The following MED13L variants were observed in gnomAD, a reference collection of about 807,000 sequenced individuals.
The protein encoded by MED13L is mediator complex subunit 13L, also known as mediator of RNA polymerase II transcription subunit 13-like.
A neutral mutation model predicts 220.9 loss-of-function variants in MED13L; 7 were observed. The ratio of observed to expected loss-of-function variants is 0.03; its 90% CI spans 0.02 to 0.06. The LOEUF is 0.06. MED13L is among the 10% of genes least tolerant of loss of function. The pLI is 1.00. For missense variants in MED13L, 1,965 were observed against 2,760.5 expected (o/e 0.71, Z 6.46); for synonymous variants, 1,011 against 1,015.2 (o/e 1.00, Z 0.08).
Position 115,984,352 on chromosome 12 carries a change from G to A in MED13L, c.4359C>T (p.His1453=). The change falls in exon 20 of 31, where the codon CAC becomes CAT. Residue 1453 remains histidine, a synonymous_variant. Coordinates refer to ENST00000281928, the MANE Select transcript of MED13L (RefSeq NM_015335.5). The part of the protein sequence containing the change: ...AVYEMCRLGQ[H]KPICKVLRDG... ...CACGTAGCACTTTGCAGATGGGCTT[G>A]TGCTGCCCAAGCCTACACATCTGAT... The A allele has an allele frequency of 6.2e-7, 1 of 1,614,034 alleles. No homozygotes were observed.
intron 2 of MED13L, among the ~76,000 whole-genome samples, chr12:116,151,416 G>A (rs1292919339): frequency 2.0e-5 from 3 of 152,116 alleles, no homozygotes; most frequent in Non-Finnish European, 2.9e-5. Context: ...AAGGTATCAC[G>A]AAGAAACTCC....
chr12:116,136,521 C>T (rs1305492245), intron 2 of MED13L, among the ~76,000 whole-genome samples: 6 of 152,032 alleles, frequency 3.9e-5, no homozygotes, highest in Non-Finnish European at 2.9e-5. Flanking sequence ...GTAAGTTATG[C>T]TAAAGTTTTA....
chr12:116,250,929 A>T (rs1481340587), intron 1 of MED13L, among the ~76,000 whole-genome samples: 1 of 152,078 alleles, frequency 6.6e-6, no homozygotes, highest in African/African-American at 2.4e-5. Context: ...CACAAAGGCC[A>T]GAAGGAGAAA....
chr12:116,228,679 G>A (rs1869247943), intron 2 of MED13L, among the ~76,000 whole-genome samples: 1 of 152,122 alleles, frequency 6.6e-6, no homozygotes, highest in Non-Finnish European at 1.5e-5. Flanking sequence ...CGTCAGCAAT[G>A]AATTTGCTTA....
chr12:115,969,511 A>G lies in MED13L; in HGVS notation c.6068-414T>C, dbSNP rs145114550. ...CCAGAGGCTGAATGAATGCATGTTAATGAGTGTGAACTTGCCCTGAAAATG... is the reference window on the plus strand; with the variant it reads ...CCAGAGGCTGAATGAATGCATGTTAGTGAGTGTGAACTTGCCCTGAAAATG... On this transcript the variant is annotated intron_variant, in intron 27 of 30. Coordinates refer to ENST00000281928, the MANE Select transcript of MED13L (RefSeq NM_015335.5). Among the ~76,000 whole-genome samples the G allele has an allele frequency of 3.4e-3, 520 of 152,290 alleles. 6 individuals carry two copies. The highest frequency in any genetic ancestry group is 0.02 in the Middle Eastern group (6 of 294).
chr12:115,985,549 T>G (rs1877626181), intron 19 of MED13L, among the ~76,000 whole-genome samples: 1 of 152,262 alleles, frequency 6.6e-6, no homozygotes, highest in Admixed American at 6.5e-5. Context: ...TAATTTCATT[T>G]TGCTGAATAC....
intron 3 of MED13L, among the ~76,000 whole-genome samples, chr12:116,108,548 G>A (rs886167497): frequency 6.6e-6 from 1 of 152,100 alleles, no homozygotes; most frequent in Non-Finnish European, 1.5e-5. Flanking sequence ...CCTATCTCAT[G>A]AGCAGGGTAA....
intron 2 of MED13L, among the ~76,000 whole-genome samples, chr12:116,213,703 G>A (rs1009599733): frequency 2.2e-4 from 34 of 152,134 alleles, no homozygotes; most frequent in African/African-American, 7.5e-4. Flanking sequence ...GTGAGCCACC[G>A]CATCCAGCAA....
At chr12:116,001,702 T>G (rs1878754676) in intron 14 of MED13L, among the ~76,000 whole-genome samples, 1 of 152,244 alleles carries the variant, frequency 6.6e-6, no homozygotes, top group Non-Finnish European at 1.5e-5. Flanking sequence ...TATTCTTGCA[T>G]ATCTGGGTTT....
intron 3 of MED13L, among the ~76,000 whole-genome samples, chr12:116,110,568 G>A (rs1163823580): frequency 6.6e-6 from 1 of 151,990 alleles, no homozygotes; most frequent in Non-Finnish European, 1.5e-5. Context: ...TGAGAAATAG[G>A]ATAATTATAC....
intron 2 of MED13L, among the ~76,000 whole-genome samples, chr12:116,222,730 A>C (rs1868560708): frequency 1.3e-5 from 2 of 152,230 alleles, no homozygotes; most frequent in African/African-American, 4.8e-5. Flanking sequence ...ACATGTATGT[A>C]CCTTAATAAT....
At chr12:116,176,835 G>A (rs1379233819) in intron 2 of MED13L, among the ~76,000 whole-genome samples, 1 of 146,332 alleles carries the variant, frequency 6.8e-6, no homozygotes, top group Non-Finnish European at 1.5e-5. Context: ...TTAACTCAAT[G>A]GCTCTGACCT....
intron 2 of MED13L, among the ~76,000 whole-genome samples, chr12:116,117,667 C>CA (rs567626153): frequency 8.1e-4 from 115 of 141,826 alleles, no homozygotes; most frequent in East Asian, 1.6e-3. Context: ...GTATTAAAAA[C>CA]AAAAAAAAAA....
chr12:115,966,409 T>C (rs984558299), intron 28 of MED13L, among the ~76,000 whole-genome samples, 166 bp from the exon 29 acceptor site: 2 of 152,192 alleles, frequency 1.3e-5, no homozygotes, highest in Admixed American at 6.5e-5. Context: ...AGCATCGTCT[T>C]TGCTGCACAC....
At chr12:116,124,152 C>CAGAGAGAGACAGAG (rs1555213761) in intron 2 of MED13L, among the ~76,000 whole-genome samples, 28 of 108,666 alleles carry the variant, frequency 2.6e-4, no homozygotes, top group East Asian at 1.7e-3. Flanking sequence ...GAGAGAGAGA[C>CAGAGAGAGACAGAG]AGAGACAGAG....
At chr12:116,014,749 C>T (rs544882110) in intron 8 of MED13L, among the ~76,000 whole-genome samples, 22 of 152,200 alleles carry the variant, frequency 1.4e-4, no homozygotes, top group African/African-American at 5.3e-4. Context: ...TTTCCCTTCA[C>T]AATAGGGACG....
intron 1 of MED13L, among the ~76,000 whole-genome samples, chr12:116,243,300 T>A (rs1366294533): frequency 1.3e-5 from 2 of 152,140 alleles, no homozygotes; most frequent in Non-Finnish European, 2.9e-5. Context: ...GATGCAAATT[T>A]TTTTGTGAAA....
intron 1 of MED13L, among the ~76,000 whole-genome samples, chr12:116,262,155 T>C (rs1294537331): frequency 6.6e-6 from 1 of 152,184 alleles, no homozygotes; most frequent in Non-Finnish European, 1.5e-5. Flanking sequence ...TAAAAGAATA[T>C]TTGCAATGAT....
At chr12:116,125,542 C>T (rs1377262535) in intron 2 of MED13L, among the ~76,000 whole-genome samples, 1 of 152,050 alleles carries the variant, frequency 6.6e-6, no homozygotes, top group African/African-American at 2.4e-5. Context: ...TTTATGTGTC[C>T]CACACAATTT....
Sources: gnomAD v4.1 joint callset for allele counts (sites outside exome capture counted in the v4.1 genomes callset) on GRCh38, gnomAD v4.1.1 for gene constraint, MANE v1.5 for transcripts, NCBI Gene and HGNC (gene_info 2026-07-23, HGNC 2026-07-21) for gene names.